Variants in NCALD observed in about 807,000 individuals in gnomAD.
NCALD encodes neurocalcin-delta.
NCALD carries 10 observed loss-of-function variants against 18.6 expected under a neutral mutation model. That is an observed-to-expected ratio of 0.54 (90% confidence interval 0.33 to 0.91). NCALD has a LOEUF of 0.91. Among genes scored for constraint, NCALD ranks in the 40% least tolerant of loss-of-function variants. The pLI is 0.03. For synonymous variants in NCALD, 88 were observed against 87.4 expected (o/e 1.01, Z -0.04); for missense variants, 184 against 247.6 (o/e 0.74, Z 1.72).
At chr8:101,829,282 C>T (rs1202538974) in intron 4 of NCALD, among the ~76,000 whole-genome samples, 1 of 152,180 alleles carries the variant, frequency 6.6e-6, no homozygotes, top group Non-Finnish European at 1.5e-5. Context: ...TTAAATTCAA[C>T]AATCCCTTTA....
intron 1 of NCALD, among the ~76,000 whole-genome samples, chr8:101,774,158 G>A (rs900386644): frequency 7.2e-5 from 11 of 152,166 alleles, no homozygotes; most frequent in Admixed American, 5.9e-4. Flanking sequence ...GTAAATGGCT[G>A]CTATTCTCTC....
At chr8:101,889,269 T>A (rs1816786487) in intron 3 of NCALD, among the ~76,000 whole-genome samples, 1 of 152,226 alleles carries the variant, frequency 6.6e-6, no homozygotes, top group Non-Finnish European at 1.5e-5. Flanking sequence ...CTGGCTTGCC[T>A]GCTTCTAGGC....
intron 2 of NCALD, among the ~76,000 whole-genome samples, chr8:101,953,245 G>A (rs1427355125): frequency 2.0e-5 from 3 of 152,158 alleles, no homozygotes; most frequent in Admixed American, 6.5e-5. Context: ...TGCTGACGGT[G>A]GCTCCTCAAC....
intron 1 of NCALD, among the ~76,000 whole-genome samples, chr8:102,031,527 T>C (rs1345117619): frequency 1.3e-5 from 2 of 152,186 alleles, no homozygotes; most frequent in Non-Finnish European, 2.9e-5. Context: ...TGCCTTATGC[T>C]AATTCATGAT....
chr8:101,841,212 G>C (rs183251043), intron 4 of NCALD, among the ~76,000 whole-genome samples: 5 of 152,302 alleles, frequency 3.3e-5, no homozygotes, highest in Admixed American at 2.6e-4. Context: ...ACTGAGGGCT[G>C]GTTGGCCAAT....
intron 2 of NCALD, among the ~76,000 whole-genome samples, chr8:101,942,135 T>C (rs557878522): frequency 1.3e-5 from 2 of 152,254 alleles, no homozygotes; most frequent in African/African-American, 2.4e-5. Context: ...ACACTGTATA[T>C]AGCTTGTCTA....
chr8:101,826,806 G>A (rs542209385), intron 4 of NCALD, among the ~76,000 whole-genome samples: 1 of 152,164 alleles, frequency 6.6e-6, no homozygotes, highest in Non-Finnish European at 1.5e-5. Context: ...TCCTACCAGA[G>A]AGTGCTATAA....
intron 1 of NCALD, among the ~76,000 whole-genome samples, chr8:101,775,733 G>A (rs970832467): frequency 1.3e-5 from 2 of 152,166 alleles, no homozygotes; most frequent in African/African-American, 4.8e-5. Context: ...CTCTGCCTGT[G>A]CAACCTTCAT....
intron 4 of NCALD, among the ~76,000 whole-genome samples, chr8:101,866,788 G>C (rs1477114737): frequency 1.3e-5 from 2 of 152,054 alleles, no homozygotes; most frequent in Non-Finnish European, 2.9e-5. Context: ...GGGGTATTAC[G>C]ACGGCCTCCT....
intron 1 of NCALD, among the ~76,000 whole-genome samples, chr8:102,067,474 A>AC (rs1824046983): frequency 6.8e-6 from 1 of 147,706 alleles, no homozygotes; most frequent in Non-Finnish European, 1.5e-5. Flanking sequence ...CACACACACA[A>AC]AACTGTCCTT....
At chr8:101,938,684 A>G (rs185875603) in intron 2 of NCALD, among the ~76,000 whole-genome samples, 1 of 152,386 alleles carries the variant, frequency 6.6e-6, no homozygotes, top group East Asian at 1.9e-4. Context: ...GTGGCAATAG[A>G]AAGATGCAAC....
At chr8:101,978,370 G>A (rs571088822) in intron 2 of NCALD, among the ~76,000 whole-genome samples, 1 of 152,250 alleles carries the variant, frequency 6.6e-6, no homozygotes, top group African/African-American at 2.4e-5. Flanking sequence ...TCTCATTACT[G>A]ACACGGATTA....
At chr8:102,112,440 A>G (rs547946947) in intron 1 of NCALD, among the ~76,000 whole-genome samples, 1 of 152,132 alleles carries the variant, frequency 6.6e-6, no homozygotes, top group South Asian at 2.1e-4. Context: ...TTTTTATACC[A>G]AAAATATCCC....
chr8:101,897,391 A>G (rs574134504), intron 3 of NCALD, among the ~76,000 whole-genome samples: 10 of 141,996 alleles, frequency 7.0e-5, no homozygotes, highest in African/African-American at 2.4e-4. Flanking sequence ...GGGGAGGGAT[A>G]GCATTGGGAG....
intron 1 of NCALD, among the ~76,000 whole-genome samples, chr8:102,054,401 A>G (rs1472036186): frequency 6.6e-6 from 1 of 152,188 alleles, no homozygotes; most frequent in African/African-American, 2.4e-5. Context: ...GCACCACTAC[A>G]CAGTATATTC....
At chr8:101,946,809 CAAAAAAAA>C (rs71268537) in intron 2 of NCALD, among the ~76,000 whole-genome samples, 1 of 65,670 alleles carries the variant, frequency 1.5e-5, no homozygotes, top group African/African-American at 6.2e-5. Context: ...CATCAATTAG[CAAAAAAAA>C]AAAAAAAAAA....
intron 2 of NCALD, among the ~76,000 whole-genome samples, chr8:101,955,501 AC>A (rs1180678083): frequency 6.6e-6 from 1 of 152,198 alleles, no homozygotes; most frequent in Non-Finnish European, 1.5e-5. Flanking sequence ...TGTGACTCTT[AC>A]CCATTTGCTC....
At chr8:101,704,665 C>G (rs1167034975) in intron 2 of NCALD, among the ~76,000 whole-genome samples, 1 of 151,952 alleles carries the variant, frequency 6.6e-6, no homozygotes, top group Non-Finnish European at 1.5e-5. Flanking sequence ...GCCTGTAATC[C>G]CAGCACTTTG....
chr8:101,713,146 T>A (rs551001389), intron 2 of NCALD, among the ~76,000 whole-genome samples: 3 of 152,248 alleles, frequency 2.0e-5, no homozygotes, highest in Non-Finnish European at 4.4e-5. Context: ...CACAAGTACG[T>A]GGAAACTGAA....
Sources: gnomAD v4.1 joint callset for allele counts (sites outside exome capture counted in the v4.1 genomes callset) on GRCh38, gnomAD v4.1.1 for gene constraint, MANE v1.5 for transcripts, NCBI Gene and HGNC (gene_info 2026-07-23, HGNC 2026-07-21) for gene names.